LPCAT3: variants seen among roughly 807,000 people sequenced by gnomAD.
LPCAT3 encodes lysophospholipid acyltransferase 5.
In LPCAT3, 21 loss-of-function variants were observed where a neutral mutation model predicts 63.4. The ratio of observed to expected loss-of-function variants is 0.33; its 90% CI spans 0.23 to 0.48. The LOEUF (loss-of-function observed/expected upper bound fraction) is 0.48. LPCAT3 is among the 20% of genes least tolerant of loss of function. The probability of loss-of-function intolerance (pLI) is 0.99; values close to 1 mark genes in which losing one functional copy is unlikely to be tolerated. For synonymous variants in LPCAT3, 242 were observed against 227.5 expected (o/e 1.06, Z -0.58); for missense variants, 451 against 590.6 (o/e 0.76, Z 2.45).
intron 1 of LPCAT3, among the ~76,000 whole-genome samples, chr12:6,995,405 C>T (rs747016811): frequency 3.0e-4 from 46 of 150,948 alleles, no homozygotes; most frequent in Non-Finnish European, 5.6e-4. Flanking sequence ...ACCCAGGAGG[C>T]GGAGGTTGCA....
At chr12:6,986,964 ATTAG>A (rs1946533734) in intron 1 of LPCAT3, among the ~76,000 whole-genome samples, 1 of 151,862 alleles carries the variant, frequency 6.6e-6, no homozygotes, top group South Asian at 2.1e-4. Context: ...AAATACAAAA[ATTAG>A]TTAGGCGTGG....
intron 1 of LPCAT3, among the ~76,000 whole-genome samples, chr12:7,011,190 C>T (rs1261900983): frequency 2.6e-5 from 4 of 152,050 alleles, no homozygotes; most frequent in African/African-American, 9.7e-5. Context: ...ATATGCCACC[C>T]AGCCCAGTTA....
At chr12:7,004,384 A>T (rs2138355924) in intron 1 of LPCAT3, among the ~76,000 whole-genome samples, 1 of 152,266 alleles carries the variant, frequency 6.6e-6, no homozygotes, top group East Asian at 1.9e-4. Flanking sequence ...TAACCCACTT[A>T]ATCCTCAAAA....
At chr12:6,997,377 T>TTATG (rs1407994307) in intron 1 of LPCAT3, 1 of 91,666 alleles carries the variant, frequency 1.1e-5, no homozygotes, top group Admixed American at 1.2e-4. Flanking sequence ...CAACAGCAAA[T>TTATG]TATGTGTGTG....
chr12:7,000,726 C>A (rs1946678715), intron 1 of LPCAT3, among the ~76,000 whole-genome samples: 1 of 150,770 alleles, frequency 6.6e-6, no homozygotes, highest in Non-Finnish European at 1.5e-5. Flanking sequence ...ATTGAGTATT[C>A]TTTTTTTGAG....
rs75801660 is a variant in LPCAT3, at chr12:6,996,908, C to G, written c.152-13369G>C. Among the ~76,000 whole-genome samples the G allele has an allele frequency of 3.7e-3, 565 of 152,114 alleles. 4 individuals carry two copies. The highest frequency in any genetic ancestry group is 6.6e-3 in the Non-Finnish European group (452 of 68,008). ...CACAGCGGTAGGAAGGAGCATGGGG[C>G]ATTCACTCCAAGAGACTGGGCTAAT... On this transcript the variant is annotated intron_variant, in intron 1 of 12. Transcript: ENST00000261407.
Position 6,983,469 on chromosome 12 carries a change from A to G in LPCAT3, c.222T>C (p.His74=), listed in dbSNP as rs201223033. 2 of 1,612,642 alleles carry G rather than the reference A, an allele frequency of 1.2e-6. No homozygotes were observed. Among genetic ancestry groups the G allele is most frequent in the East Asian group, 2.2e-5 (1 of 44,870 alleles). ...YKETYLIHLF[H]TFTGLSIAYF... ...AAGCAATTGAGAGGCCTGTAAAGGT[A>G]TGGAAGAGGTGGATGAGGTAGGTCT... The change falls in exon 2 of 13, where the codon CAT becomes CAC. Residue 74 remains histidine, a synonymous_variant. Coordinates refer to ENST00000261407, the MANE Select transcript of LPCAT3 (RefSeq NM_005768.6).
At chr12:7,000,583 G>GA (rs1946676922) in intron 1 of LPCAT3, among the ~76,000 whole-genome samples, 1 of 92,060 alleles carries the variant, frequency 1.1e-5, no homozygotes, top group Non-Finnish European at 1.9e-5. Context: ...GTGAGACTCA[G>GA]TCTCAAAAAA....
At chr12:6,980,451 A>G (rs61170325) in intron 6 of LPCAT3, among the ~76,000 whole-genome samples, 26,583 of 151,992 alleles carry the variant, frequency 0.17, 4,019 homozygotes, top group African/African-American at 0.41. Context: ...CCTCCCCTGG[A>G]CTCAAGCAAT....
At position 6,977,552 on chromosome 12, in the gene LPCAT3, C is replaced by T; in HGVS notation, c.1189-27G>A. 1 of 1,614,122 alleles carries T rather than the reference C, an allele frequency of 6.2e-7. No individual in the cohort carries two copies. The highest frequency in any genetic ancestry group is 8.5e-7 in the Non-Finnish European group (1 of 1,180,002). On this transcript the variant is annotated intron_variant, in intron 10 of 12. Transcript: ENST00000261407. The surrounding 1 kb of genome is among the most constrained non-coding windows in gnomAD (Gnocchi z 4.5). Reference sequence around the variant, plus strand: ...TGGGGAGGGAGGAGGAGCTCATCAGCATCTTGTCCCTTATATTCCCCTTCA... The same window carrying T: ...TGGGGAGGGAGGAGGAGCTCATCAGTATCTTGTCCCTTATATTCCCCTTCA...
chr12:6,986,705 C>A (rs1946529267), intron 1 of LPCAT3, among the ~76,000 whole-genome samples: 2 of 150,244 alleles, frequency 1.3e-5, no homozygotes, highest in Admixed American at 1.3e-4. Flanking sequence ...ATCGCTTGAA[C>A]CTGGGAGGCA....
chr12:6,998,970 A>G (rs1555156307), intron 1 of LPCAT3, among the ~76,000 whole-genome samples: 2 of 152,262 alleles, frequency 1.3e-5, no homozygotes, highest in Admixed American at 6.5e-5. Flanking sequence ...CCATTCTACT[A>G]TTCTTGCCAC....
intron 1 of LPCAT3, among the ~76,000 whole-genome samples, chr12:7,013,793 G>C (rs1190787857): frequency 3.9e-5 from 6 of 152,064 alleles, no homozygotes; most frequent in African/African-American, 9.7e-5. Flanking sequence ...CCTACTACTT[G>C]TCTATGCTGA....
At chr12:7,003,362 T>G (rs1199454587) in intron 1 of LPCAT3, among the ~76,000 whole-genome samples, 1 of 151,268 alleles carries the variant, frequency 6.6e-6, no homozygotes, top group African/African-American at 2.4e-5. Flanking sequence ...AGGGTGAGTT[T>G]TTTTTTTTTT....
intron 1 of LPCAT3, among the ~76,000 whole-genome samples, chr12:7,011,647 C>CAAAAAAAAAAAAA (rs1177972639): frequency 7.9e-5 from 6 of 75,710 alleles, no homozygotes; most frequent in South Asian, 4.8e-4. Flanking sequence ...CACCATGTCT[C>CAAAAAAAAAAAAA]AAAAAAAAAA....
At chr12:6,994,792 G>A (rs1239050372) in intron 1 of LPCAT3, among the ~76,000 whole-genome samples, 1 of 152,214 alleles carries the variant, frequency 6.6e-6, no homozygotes, top group African/African-American at 2.4e-5. Context: ...CTTCTGGCAT[G>A]GGTTGGCTGA....
chr12:7,000,942 C>T (rs1044054936), intron 1 of LPCAT3, among the ~76,000 whole-genome samples: 29 of 151,948 alleles, frequency 1.9e-4, no homozygotes, highest in Non-Finnish European at 3.8e-4. Context: ...CTCCTGACCT[C>T]GTGATCTGCC....
chr12:6,977,919 GACCC>G lies in LPCAT3; in HGVS notation c.1041-178_1041-175del. 1.4e-6 allele frequency: 1 copy of G among 721,930 alleles called. No individual in the cohort carries two copies. The highest frequency in any genetic ancestry group is 2.3e-6 in the Non-Finnish European group (1 of 443,982). The allele number at this position is 721,930 out of a possible 1,614,324, so 44.7% of individuals were successfully genotyped here. Reference sequence around the variant, plus strand: ...TGATTACTTTTAGAGATGGAAAGCAGACCCAAGGCGGAGCTGGAGACCGTGTGCG... The same window carrying G: ...TGATTACTTTTAGAGATGGAAAGCAGAAGGCGGAGCTGGAGACCGTGTGCG... On this transcript the variant is annotated intron_variant, in intron 9 of 12. Coordinates refer to ENST00000261407, the MANE Select transcript of LPCAT3 (RefSeq NM_005768.6). The surrounding 1 kb of genome is among the most constrained non-coding windows in gnomAD (Gnocchi z 4.5).
rs1946425588 is a variant in LPCAT3 at position 6,977,839 on chromosome 12, A to T, written c.1041-94T>A. The T allele has an allele frequency of 1.3e-6, 2 of 1,487,982 alleles. No individual in the cohort carries two copies. The highest frequency in any genetic ancestry group is 4.5e-5 in the East Asian group (2 of 44,258). 92.2% of individuals were successfully genotyped at this position (1,487,982 alleles called of 1,614,324 possible). A position where few individuals can be genotyped will look rare whatever the true frequency, so the allele number is the denominator to read the frequency against. On this transcript the variant is annotated intron_variant, in intron 9 of 12. Coordinates refer to ENST00000261407, the MANE Select transcript of LPCAT3 (RefSeq NM_005768.6). This position sits in a 1 kb window ranked among gnomAD's most constrained non-coding sequence, Gnocchi z 4.5. ...GTCCTCACCCTGAGGATTGGATTGGAGTGCTGGTGGGTTCCCACGTGTAGC... is the reference window on the plus strand; with the variant it reads ...GTCCTCACCCTGAGGATTGGATTGGTGTGCTGGTGGGTTCCCACGTGTAGC...
Sources: allele counts gnomAD v4.1 joint callset (sites outside exome capture counted in the v4.1 genomes callset), GRCh38; gene constraint gnomAD v4.1.1; non-coding constraint Gnocchi (gnomAD v3.1); transcripts MANE v1.5; gene names NCBI Gene and HGNC (gene_info 2026-07-23, HGNC 2026-07-21).